The following ZFHX3 variants were observed in gnomAD, a reference collection of about 807,000 sequenced individuals.
ZFHX3 encodes the protein zinc finger homeobox 3, also known as zinc finger homeobox protein 3.
In ZFHX3, 42 loss-of-function variants were observed where a neutral mutation model predicts 279.1. The ratio of observed to expected loss-of-function variants is 0.15; its 90% CI spans 0.12 to 0.19. The LOEUF (loss-of-function observed/expected upper bound fraction) is 0.19, where lower values mean the gene tolerates loss of function less well. ZFHX3 is among the 10% of genes least tolerant of loss of function. ZFHX3 has a pLI of 1.00. For synonymous variants in ZFHX3, 2,293 were observed against 1,957.8 expected (o/e 1.17, Z -4.52); for missense variants, 4,981 against 4,754.0 (o/e 1.05, Z -1.40).
At chr16:73,076,890 T>TACAC (rs1555547170) in intron 8 of ZFHX3, among the ~76,000 whole-genome samples, 2 of 143,016 alleles carry the variant, frequency 1.4e-5, no homozygotes, top group African/African-American at 5.9e-5. Context: ...TATATATGTA[T>TACAC]ACGCACACAC....
At chr16:73,296,907 CTCTT>C (rs559875111) in intron 4 of ZFHX3, among the ~76,000 whole-genome samples, 3 of 48,986 alleles carry the variant, frequency 6.1e-5, no homozygotes, top group South Asian at 6.2e-4. Flanking sequence ...GAGACGGAGT[CTCTT>C]TCTGTCACCC....
At chr16:73,781,770 C>T (rs575498517) in intron 1 of ZFHX3, among the ~76,000 whole-genome samples, 3 of 152,188 alleles carry the variant, frequency 2.0e-5, no homozygotes, top group East Asian at 3.9e-4. Flanking sequence ...GGGCGAATCA[C>T]GAGGTCAGGA....
In ZFHX3 at chr16:73,213,683, G is replaced by A. The variant is rs77451672; in HGVS notation, c.-1104+43364C>T. 1.1e-3 allele frequency among the ~76,000 whole-genome samples: 164 copies of A among 152,238 alleles called. 2 individuals are homozygous for A. In the East Asian group the frequency reaches 0.026, roughly 24 times the overall value. On this transcript the variant is annotated intron_variant, in intron 5 of 17. Transcript: ENST00000641206. Reference sequence around the variant, plus strand: ...AAACTTGAAGGTGTATTTAAAACACGGGTGATGCTTTTGTGAATAGCCATG... The same window carrying A: ...AAACTTGAAGGTGTATTTAAAACACAGGTGATGCTTTTGTGAATAGCCATG...
chr16:73,503,646 G>A (rs1288044083), intron 2 of ZFHX3, among the ~76,000 whole-genome samples: 1 of 152,172 alleles, frequency 6.6e-6, no homozygotes, highest in Non-Finnish European at 1.5e-5. Flanking sequence ...TAGGGGAATG[G>A]GGGAAAGAAC....
intron 1 of ZFHX3, among the ~76,000 whole-genome samples, chr16:72,980,092 T>C (rs1962522862): frequency 6.6e-6 from 1 of 152,182 alleles, no homozygotes; most frequent in Non-Finnish European, 1.5e-5. Flanking sequence ...AGTCTCACTG[T>C]TTCCACTGAT....
intron 3 of ZFHX3, among the ~76,000 whole-genome samples, chr16:72,938,010 T>C (rs1960212593): frequency 6.6e-6 from 1 of 152,256 alleles, no homozygotes; most frequent in Non-Finnish European, 1.5e-5. Context: ...GCTGCATTCT[T>C]GAGAAACTCA....
At chr16:73,429,952 A>T (rs1292476199) in intron 3 of ZFHX3, among the ~76,000 whole-genome samples, 1 of 152,042 alleles carries the variant, frequency 6.6e-6, no homozygotes, top group African/African-American at 2.4e-5. Flanking sequence ...CAGTAGTGTG[A>T]TCTCTGCTCA....
At chr16:73,182,509 T>G (rs886424042) in intron 5 of ZFHX3, among the ~76,000 whole-genome samples, 1 of 151,730 alleles carries the variant, frequency 6.6e-6, no homozygotes, top group Admixed American at 6.6e-5. Flanking sequence ...AAAATAGAAC[T>G]ACCATCCGAT....
intron 5 of ZFHX3, among the ~76,000 whole-genome samples, chr16:73,171,403 G>A (rs945349702): frequency 6.7e-6 from 1 of 150,032 alleles, no homozygotes; most frequent in African/African-American, 2.5e-5. Context: ...AGCTCTGTCT[G>A]TGTGACTCTT....
At chr16:73,756,862 G>T (rs750977118) in intron 1 of ZFHX3, among the ~76,000 whole-genome samples, 19 of 151,970 alleles carry the variant, frequency 1.3e-4, no homozygotes, top group Non-Finnish European at 1.6e-4. Flanking sequence ...TAATAGTGCC[G>T]TGTATGTTAT....
chr16:73,019,343 CGTGTGT>C lies in ZFHX3; in HGVS notation c.-50+28403_-50+28408del, dbSNP rs112184906. On this transcript the variant is annotated intron_variant, in intron 1 of 9. Transcript: ENST00000268489. ...CAGCGTGTGCGTGTGTGTGTCTGTGCGTGTGTGTGTGTGTGTGTGTGTGTGCGTGTG... is the reference window on the plus strand; with the variant it reads ...CAGCGTGTGCGTGTGTGTGTCTGTGCGTGTGTGTGTGTGTGTGTGCGTGTG... 6.3e-4 allele frequency among the ~76,000 whole-genome samples: 94 copies of C among 150,160 alleles called. 2 individuals are homozygous for C. In the South Asian group the frequency reaches 8.3e-3, roughly 13 times the overall value.
At chr16:73,176,041 A>T (rs985809611) in intron 5 of ZFHX3, among the ~76,000 whole-genome samples, 1 of 152,164 alleles carries the variant, frequency 6.6e-6, no homozygotes, top group African/African-American at 2.4e-5. Flanking sequence ...GGCTATGCCA[A>T]TTCTCCTCTC....
At chr16:72,982,479 T>C (rs1455899897) in intron 1 of ZFHX3, among the ~76,000 whole-genome samples, 4 of 152,180 alleles carry the variant, frequency 2.6e-5, no homozygotes, top group African/African-American at 4.8e-5. Context: ...ACCTGCTGCA[T>C]GCCTAAGCTT....
intron 2 of ZFHX3, among the ~76,000 whole-genome samples, chr16:72,954,709 G>A (rs1961162395): frequency 6.6e-6 from 1 of 152,172 alleles, no homozygotes; most frequent in South Asian, 2.1e-4. Flanking sequence ...TTGGGAGGAT[G>A]TTCACAAGGC....
intron 3 of ZFHX3, among the ~76,000 whole-genome samples, chr16:72,904,473 A>G (rs1050884696): frequency 2.8e-4 from 43 of 152,244 alleles, no homozygotes; most frequent in African/African-American, 9.9e-4. Context: ...CTAAAGCTCC[A>G]CTATTCCTCC....
chr16:73,065,125 T>C (rs1965731354), intron 8 of ZFHX3, among the ~76,000 whole-genome samples: 1 of 152,210 alleles, frequency 6.6e-6, no homozygotes, highest in South Asian at 2.1e-4. Flanking sequence ...AACCCTGCGA[T>C]GGGCGGGCGG....
intron 1 of ZFHX3, among the ~76,000 whole-genome samples, chr16:73,735,152 C>T (rs937624584): frequency 6.6e-6 from 1 of 152,076 alleles, no homozygotes; most frequent in African/African-American, 2.4e-5. Flanking sequence ...ACCACCCATG[C>T]ACAAAACTTG....
At chr16:72,925,216 C>A (rs1959381229) in intron 3 of ZFHX3, among the ~76,000 whole-genome samples, 1 of 152,206 alleles carries the variant, frequency 6.6e-6, no homozygotes, top group African/African-American at 2.4e-5. Flanking sequence ...CGTGAGGCTG[C>A]CCACTCTTCC....
intron 1 of ZFHX3, among the ~76,000 whole-genome samples, chr16:73,719,771 T>C (rs1262817894): frequency 2.0e-5 from 3 of 150,970 alleles, no homozygotes; most frequent in Non-Finnish European, 4.4e-5. Flanking sequence ...GTAGCTGAGA[T>C]TACAGGCATG....
Sources: gnomAD v4.1 joint callset for allele counts (sites outside exome capture counted in the v4.1 genomes callset) on GRCh38, gnomAD v4.1.1 for gene constraint, MANE v1.5 for transcripts, NCBI Gene and HGNC (gene_info 2026-07-23, HGNC 2026-07-21) for gene names.